PRKD1: variants seen among roughly 807,000 people sequenced by gnomAD.
PRKD1 encodes the protein protein kinase D1.
PRKD1 carries 63 observed loss-of-function variants against 95.9 expected under a neutral mutation model. The ratio of observed to expected loss-of-function variants is 0.66; its 90% CI spans 0.54 to 0.81. PRKD1 has a LOEUF of 0.81. Ranked by LOEUF, PRKD1 falls within the 30% of genes least tolerant of loss-of-function variation. The probability of loss-of-function intolerance (pLI) is 0.00; values close to 1 mark genes in which losing one functional copy is unlikely to be tolerated. For synonymous variants in PRKD1, 425 were observed against 423.1 expected (o/e 1.00, Z -0.05); for missense variants, 1,048 against 1,165.3 (o/e 0.90, Z 1.47).
chr14:29,626,486 C>T lies in PRKD1; in HGVS notation c.1796G>A (p.Gly599Glu), dbSNP rs1016024251. 12 of 1,609,806 alleles carry T rather than the reference C, an allele frequency of 7.5e-6. No individual in the cohort carries two copies. Among genetic ancestry groups the T allele is most frequent in the Non-Finnish European group, 1.0e-5 (12 of 1,177,816 alleles). The part of the protein sequence containing the change: ...LGSGQFGIVY[G>E]GKHRKTGRDV... ...AAATACTCAGTGAGATAACCTACCT[C>T]CATAAACAATTCCAAACTGTCCAGA... The change falls in exon 12 of 18, where the codon GGA becomes GAA. Residue 599 changes from glycine to glutamate, a missense_variant and splice_region_variant. Physicochemically the swap from Gly to Glu is moderately conservative, Grantham distance 98 (BLOSUM62 -2). Coordinates refer to ENST00000331968, the MANE Select transcript of PRKD1 (RefSeq NM_002742.3).
intron 1 of PRKD1, among the ~76,000 whole-genome samples, chr14:29,884,599 C>T (rs1316422405): frequency 6.6e-6 from 1 of 152,108 alleles, no homozygotes; most frequent in Non-Finnish European, 1.5e-5. Flanking sequence ...CTAACAGATG[C>T]CTATTTGCCC....
chr14:29,713,375 T>C (rs1373069080), intron 2 of PRKD1, among the ~76,000 whole-genome samples: 1 of 152,192 alleles, frequency 6.6e-6, no homozygotes, highest in Non-Finnish European at 1.5e-5. Flanking sequence ...CGTTTGTGAA[T>C]AAACATCAAG....
chr14:29,623,092 T>A (rs1333069991), intron 13 of PRKD1, among the ~76,000 whole-genome samples: 1 of 152,216 alleles, frequency 6.6e-6, no homozygotes, highest in Non-Finnish European at 1.5e-5. Context: ...AAGACATGAA[T>A]CCATTAATTA....
At chr14:29,693,403 T>C (rs1322905102) in intron 2 of PRKD1, among the ~76,000 whole-genome samples, 1 of 151,986 alleles carries the variant, frequency 6.6e-6, no homozygotes, top group African/African-American at 2.4e-5. Flanking sequence ...GTAAAAAATG[T>C]AAATTTCCAC....
intron 1 of PRKD1, among the ~76,000 whole-genome samples, chr14:29,727,320 G>A (rs1386204818): frequency 2.6e-5 from 4 of 151,998 alleles, no homozygotes; most frequent in South Asian, 2.1e-4. Context: ...AGTAGGTTGC[G>A]AAAATCTTCT....
intron 1 of PRKD1, among the ~76,000 whole-genome samples, chr14:29,813,662 C>A (rs1890580400): frequency 6.6e-6 from 1 of 152,136 alleles, no homozygotes; most frequent in South Asian, 2.1e-4. Flanking sequence ...CTAAATACCA[C>A]AAGGCCTAGC....
intron 1 of PRKD1, among the ~76,000 whole-genome samples, chr14:29,797,817 A>G (rs1348812019): frequency 6.6e-6 from 1 of 152,170 alleles, no homozygotes; most frequent in Admixed American, 6.5e-5. Flanking sequence ...CAAATGGACT[A>G]CCATTTATAT....
intron 4 of PRKD1, among the ~76,000 whole-genome samples, chr14:29,652,481 T>TAA (rs1441118274): frequency 6.6e-6 from 1 of 152,128 alleles, no homozygotes; most frequent in Non-Finnish European, 1.5e-5. Flanking sequence ...CAGATAACAG[T>TAA]AACTCAAAGC....
chr14:29,692,222 T>TA (rs397815505), intron 2 of PRKD1, among the ~76,000 whole-genome samples: 1 of 150,860 alleles, frequency 6.6e-6, no homozygotes, highest in African/African-American at 2.5e-5. Flanking sequence ...TTTTTTTTTT[T>TA]AAATATAGAG....
chr14:29,633,928 C>T (rs902740937), intron 8 of PRKD1, among the ~76,000 whole-genome samples: 3 of 152,186 alleles, frequency 2.0e-5, no homozygotes, highest in African/African-American at 7.2e-5. Flanking sequence ...TTCTCTCTTA[C>T]GTACGTACAC....
In PRKD1 at chr14:29,684,747, A is replaced by C. The variant is rs1883756135; in HGVS notation, c.404-18539T>G. On this transcript the variant is annotated intron_variant, in intron 2 of 17. Coordinates refer to ENST00000331968, the MANE Select transcript of PRKD1 (RefSeq NM_002742.3). ...ACAATGACTAGGAAGGACAGTGTTC[A>C]TTGGGTAGGGCTAAGGCAGGCTGTT... is the stretch of plus-strand genomic sequence containing the variant. Among the ~76,000 whole-genome samples the C allele has an allele frequency of 2.0e-5, 3 of 152,202 alleles. No homozygotes were observed. The South Asian group carries it at 6.2e-4, about 31-fold the overall frequency.
intron 1 of PRKD1, among the ~76,000 whole-genome samples, chr14:29,785,094 C>CA (rs1378701384): frequency 6.6e-6 from 1 of 152,140 alleles, no homozygotes; most frequent in East Asian, 1.9e-4. Flanking sequence ...CACTCAACTT[C>CA]CCTCACAAAT....
chr14:29,830,674 CTT>C (rs750481964), intron 1 of PRKD1, among the ~76,000 whole-genome samples: 6 of 144,580 alleles, frequency 4.1e-5, no homozygotes, highest in Admixed American at 6.9e-5. Flanking sequence ...CCCATAGAAA[CTT>C]TTTTTTTTTT....
chr14:29,638,976 G>A, intron 4 of PRKD1, 72 bp from the exon 5 acceptor site: 1 of 1,178,060 alleles, frequency 8.5e-7, no homozygotes, highest in Non-Finnish European at 1.2e-6. Context: ...TATATTTTAA[G>A]ATACCGGTTT....
chr14:29,816,498 C>T lies in PRKD1; in HGVS notation c.265-90824G>A, dbSNP rs551535058. On this transcript the variant is annotated intron_variant, in intron 1 of 17. Coordinates refer to ENST00000331968, the MANE Select transcript of PRKD1 (RefSeq NM_002742.3). Reference sequence around the variant, plus strand: ...ATCACAGTTAAGAGAAAAAACGTTACCATAAATGTAACATTTAAATAAACT... The same window carrying T: ...ATCACAGTTAAGAGAAAAAACGTTATCATAAATGTAACATTTAAATAAACT... Among the ~76,000 whole-genome samples the T allele has an allele frequency of 3.9e-5, 6 of 152,216 alleles. No homozygotes were observed. The East Asian group carries it at 9.7e-4, about 25-fold the overall frequency.
chr14:29,742,010 G>A (rs1268438686), intron 1 of PRKD1, among the ~76,000 whole-genome samples: 1 of 152,070 alleles, frequency 6.6e-6, no homozygotes, highest in Non-Finnish European at 1.5e-5. Flanking sequence ...TGATCCTTTG[G>A]TTCCAAGGAC....
intron 1 of PRKD1, among the ~76,000 whole-genome samples, chr14:29,727,712 C>T (rs1257840894): frequency 4.0e-5 from 6 of 151,878 alleles, no homozygotes; most frequent in Admixed American, 6.6e-5. Flanking sequence ...TGTAGGTATG[C>T]GGCATTATTT....
chr14:29,739,962 T>C (rs1180357410), intron 1 of PRKD1, among the ~76,000 whole-genome samples: 1 of 152,202 alleles, frequency 6.6e-6, no homozygotes, highest in East Asian at 1.9e-4. Flanking sequence ...AATCATTATT[T>C]TGTTGTATAT....
At chr14:29,774,730 T>G (rs1055550272) in intron 1 of PRKD1, among the ~76,000 whole-genome samples, 2 of 147,176 alleles carry the variant, frequency 1.4e-5, no homozygotes, top group Non-Finnish European at 3.1e-5. Flanking sequence ...GAGGAAACTA[T>G]GCTTTGGGGA....
Sources: gnomAD v4.1 joint callset for allele counts (sites outside exome capture counted in the v4.1 genomes callset) on GRCh38, gnomAD v4.1.1 for gene constraint, MANE v1.5 for transcripts, NCBI Gene and HGNC (gene_info 2026-07-23, HGNC 2026-07-21) for gene names.